GPR89A: variants seen among roughly 807,000 people sequenced by gnomAD.
GPR89A encodes golgi pH regulator A, also known as G protein-coupled receptor 89A.
Under a neutral mutation model 52.0 loss-of-function variants are expected in GPR89A, and 16 were observed. That is an observed-to-expected ratio of 0.31 (90% CI 0.21 to 0.47). The LOEUF is 0.47. Among genes scored for constraint, GPR89A ranks in the 20% least tolerant of loss-of-function variants. The probability of loss-of-function intolerance (pLI) is 1.00; values close to 1 mark genes in which losing one functional copy is unlikely to be tolerated. For synonymous variants in GPR89A, 55 were observed against 150.9 expected (o/e 0.36, Z 4.66); for missense variants, 135 against 449.4 (o/e 0.30, Z 6.33).
At chr1:145,660,810 G>A (rs1466511798) in intron 10 of GPR89A, among the ~76,000 whole-genome samples, 1 of 151,426 alleles carries the variant, frequency 6.6e-6, no homozygotes, top group East Asian at 2.0e-4. Context: ...GAAACAACAG[G>A]TGCTGGAGAG....
At chr1:145,650,685 G>C (rs1358222997) in intron 10 of GPR89A, among the ~76,000 whole-genome samples, 3 of 151,446 alleles carry the variant, frequency 2.0e-5, no homozygotes, top group South Asian at 4.2e-4. Flanking sequence ...ATTCTGACTG[G>C]TGTGAGATGG....
intron 4 of GPR89A, among the ~76,000 whole-genome samples, 195 bp from the exon 5 acceptor site, chr1:145,623,418 A>T (rs1421527178): frequency 1.3e-5 from 2 of 152,152 alleles, no homozygotes; most frequent in East Asian, 3.8e-4. Flanking sequence ...CCTTTAGTTC[A>T]TCCCACACCT....
intron 1 of GPR89A, 153 bp downstream of exon 1, chr1:145,608,328 G>C (rs1647966248): frequency 2.5e-6 from 3 of 1,217,818 alleles, no homozygotes; most frequent in Non-Finnish European, 3.5e-6. Flanking sequence ...TGTGCGATTT[G>C]CTGCGGCCGG....
chr1:145,626,779 A>G (rs879953713), intron 5 of GPR89A, among the ~76,000 whole-genome samples: 5 of 151,858 alleles, frequency 3.3e-5, no homozygotes, highest in East Asian at 1.9e-4. Context: ...GCAAAACCCC[A>G]TCTGTACTAA....
intron 10 of GPR89A, among the ~76,000 whole-genome samples, chr1:145,651,334 T>C: frequency 6.6e-6 from 1 of 151,752 alleles, no homozygotes. Flanking sequence ...AGTTCTCTAT[T>C]CTGTTCCATT....
At chr1:145,669,490 A>G in intron 12 of GPR89A, 135 bp from the exon 13 acceptor site, 2 of 690,764 alleles carry the variant, frequency 2.9e-6, no homozygotes, top group Non-Finnish European at 5.2e-6. Flanking sequence ...TTATAGTCTT[A>G]ATCATATGAA....
intron 5 of GPR89A, among the ~76,000 whole-genome samples, chr1:145,625,176 G>T (rs1158772127): frequency 1.3e-5 from 2 of 151,652 alleles, no homozygotes; most frequent in Admixed American, 6.6e-5. Context: ...TTTAAAATAA[G>T]AATAACTTTC....
intron 12 of GPR89A, among the ~76,000 whole-genome samples, chr1:145,667,538 G>A (rs1400014705): frequency 6.6e-6 from 1 of 152,064 alleles, no homozygotes; most frequent in Non-Finnish European, 1.5e-5. Flanking sequence ...TCACTCTGAT[G>A]GTAGTTTCTT....
intron 10 of GPR89A, among the ~76,000 whole-genome samples, chr1:145,656,725 T>A (rs1265543468): frequency 6.6e-6 from 1 of 152,082 alleles, no homozygotes; most frequent in Non-Finnish European, 1.5e-5. Flanking sequence ...ACTAAAACCT[T>A]CAGTACAAAG....
intron 11 of GPR89A, among the ~76,000 whole-genome samples, chr1:145,664,465 C>T: frequency 6.6e-6 from 1 of 151,894 alleles, no homozygotes. Context: ...GCCTGGGCAA[C>T]ATGGTGAAAA....
chr1:145,612,464 A>G (rs587692802), intron 1 of GPR89A, among the ~76,000 whole-genome samples: 1 of 152,288 alleles, frequency 6.6e-6, no homozygotes, highest in South Asian at 2.1e-4. Flanking sequence ...AGCTGAAAAA[A>G]TAATATTTAA....
intron 10 of GPR89A, among the ~76,000 whole-genome samples, chr1:145,649,577 T>C (rs1159963417): frequency 1.3e-5 from 2 of 151,984 alleles, no homozygotes; most frequent in Non-Finnish European, 2.9e-5. Context: ...TTGTTTCCAG[T>C]TGGGGGATAT....
chr1:145,635,146 C>T (rs1480290084), intron 7 of GPR89A, among the ~76,000 whole-genome samples: 1 of 152,226 alleles, frequency 6.6e-6, no homozygotes, highest in Admixed American at 6.5e-5. Context: ...GTGGCTCACG[C>T]CTGTAATCCC....
At chr1:145,625,178 A>G (rs1649408109) in intron 5 of GPR89A, among the ~76,000 whole-genome samples, 1 of 151,884 alleles carries the variant, frequency 6.6e-6, no homozygotes, top group Non-Finnish European at 1.5e-5. Context: ...TAAAATAAGA[A>G]TAACTTTCAA....
chr1:145,658,857 G>A (rs587754480), intron 10 of GPR89A, among the ~76,000 whole-genome samples: 1 of 151,602 alleles, frequency 6.6e-6, no homozygotes, highest in African/African-American at 2.4e-5. Context: ...AGCTCACTTC[G>A]ATCTCTGCCT....
intron 10 of GPR89A, among the ~76,000 whole-genome samples, chr1:145,659,984 C>A (rs1281225549): frequency 2.6e-5 from 4 of 151,696 alleles, no homozygotes; most frequent in African/African-American, 4.9e-5. Context: ...AGAGGTCCTT[C>A]ACATCCCTTG....
At chr1:145,662,671 G>A (rs1652281084) in intron 10 of GPR89A, among the ~76,000 whole-genome samples, 1 of 152,084 alleles carries the variant, frequency 6.6e-6, no homozygotes, top group African/African-American at 2.4e-5. Flanking sequence ...CCATTCATTT[G>A]TGTATTGTCT....
At chr1:145,635,283 G>C (rs1650150915) in intron 7 of GPR89A, among the ~76,000 whole-genome samples, 2 of 152,150 alleles carry the variant, frequency 1.3e-5, no homozygotes, top group African/African-American at 2.4e-5. Context: ...GTGGGCGCCT[G>C]TAGTCCCAGC....
intron 5 of GPR89A, among the ~76,000 whole-genome samples, chr1:145,628,664 G>A (rs1649673408): frequency 6.6e-6 from 1 of 152,132 alleles, no homozygotes; most frequent in South Asian, 2.1e-4. Context: ...CATGTGAAAT[G>A]CTTAGAACAG....
Sources: gnomAD v4.1 joint callset for allele counts (sites outside exome capture counted in the v4.1 genomes callset) on GRCh38, gnomAD v4.1.1 for gene constraint, MANE v1.5 for transcripts, NCBI Gene and HGNC (gene_info 2026-07-23, HGNC 2026-07-21) for gene names.